The following PBX1 variants were observed in gnomAD, a reference collection of about 807,000 sequenced individuals.
PBX1 encodes pre-B-cell leukemia transcription factor 1.
Under a neutral mutation model 53.4 loss-of-function variants are expected in PBX1, and 6 were observed. That is an observed-to-expected ratio of 0.11 (90% CI 0.06 to 0.22). The LOEUF (loss-of-function observed/expected upper bound fraction) is 0.22, where lower values mean the gene tolerates loss of function less well. Among genes scored for constraint, PBX1 ranks in the 10% least tolerant of loss-of-function variants. The probability of loss-of-function intolerance (pLI) is 1.00; values close to 1 mark genes in which losing one functional copy is unlikely to be tolerated. For synonymous variants in PBX1, 204 were observed against 212.3 expected (o/e 0.96, Z 0.34); for missense variants, 251 against 551.4 (o/e 0.46, Z 5.46).
At chr1:164,791,798 A>C (rs1668522089) in intron 2 of PBX1, among the ~76,000 whole-genome samples, 1 of 152,156 alleles carries the variant, frequency 6.6e-6, no homozygotes, top group African/African-American at 2.4e-5. Context: ...TTATTGTGGT[A>C]AAATATATAT....
In PBX1 at chr1:164,847,214, TCC is replaced by T; in HGVS notation, c.*540_*541del. 9.3e-7 allele frequency: 1 copy of T among 1,074,004 alleles called. No homozygotes were observed. The highest frequency in any genetic ancestry group is 4.8e-5 in the East Asian group (1 of 20,696). The allele number at this position is 1,074,004 out of a possible 1,614,324, so 66.5% of individuals were successfully genotyped here. A position where few individuals can be genotyped will look rare whatever the true frequency, so the allele number is the denominator to read the frequency against. On this transcript the variant is annotated 3_prime_UTR_variant, in exon 9 of 9. Transcript: ENST00000420696. ...CACATTGCCCTATTCATTCCAGGCCTCCCTGCTTCCTCTTGCTCTTCCTCCCT... is the reference window on the plus strand; with the variant it reads ...CACATTGCCCTATTCATTCCAGGCCTCTGCTTCCTCTTGCTCTTCCTCCCT...
At chr1:164,777,331 G>C (rs990407516) in intron 2 of PBX1, among the ~76,000 whole-genome samples, 22 of 152,302 alleles carry the variant, frequency 1.4e-4, no homozygotes, top group Non-Finnish European at 2.9e-4. Flanking sequence ...GCTGAGGTGG[G>C]AGAATCGCTT....
chr1:164,592,743 C>G (rs537517649), intron 2 of PBX1, among the ~76,000 whole-genome samples: 1 of 152,280 alleles, frequency 6.6e-6, no homozygotes, highest in Admixed American at 6.5e-5. Flanking sequence ...GCTTTGAATT[C>G]TGTATCCCCA....
intron 8 of PBX1, among the ~76,000 whole-genome samples, chr1:164,840,312 T>G (rs542462513): frequency 2.6e-5 from 4 of 152,112 alleles, no homozygotes; most frequent in African/African-American, 9.6e-5. Flanking sequence ...GTTGCCAGAT[T>G]TAGCAAATGG....
At chr1:164,666,080 A>G (rs540305872) in intron 2 of PBX1, among the ~76,000 whole-genome samples, 49 of 152,208 alleles carry the variant, frequency 3.2e-4, no homozygotes, top group Non-Finnish European at 5.4e-4. Flanking sequence ...ATGCACGACA[A>G]GATGGAGTTG....
intron 2 of PBX1, among the ~76,000 whole-genome samples, chr1:164,739,587 A>C (rs913608407): frequency 6.6e-6 from 1 of 152,194 alleles, no homozygotes; most frequent in Non-Finnish European, 1.5e-5. Flanking sequence ...TTTCATTTCT[A>C]AAAGCAGATA....
chr1:164,664,372 G>A (rs1397807399), intron 2 of PBX1, among the ~76,000 whole-genome samples: 3 of 152,062 alleles, frequency 2.0e-5, no homozygotes, highest in Non-Finnish European at 4.4e-5. Context: ...GGTGTTGGCC[G>A]TACCAAAACT....
At chr1:164,787,466 G>A (rs1668261714) in intron 2 of PBX1, among the ~76,000 whole-genome samples, 1 of 152,164 alleles carries the variant, frequency 6.6e-6, no homozygotes, top group South Asian at 2.1e-4. Flanking sequence ...CCCGCCTGGA[G>A]AACCAGTCCT....
intron 2 of PBX1, among the ~76,000 whole-genome samples, chr1:164,678,340 A>C (rs1169607043): frequency 6.6e-6 from 1 of 152,182 alleles, no homozygotes; most frequent in Non-Finnish European, 1.5e-5. Flanking sequence ...TCTGTGTATC[A>C]CAGCCAGCAT....
chr1:164,812,909 C>G (rs1192897133), intron 6 of PBX1: 3 of 152,028 alleles, frequency 2.0e-5, no homozygotes, highest in African/African-American at 7.2e-5. Flanking sequence ...CTATGGAAGG[C>G]ATGTGGTAAT....
chr1:164,692,932 A>C (rs551853366), intron 2 of PBX1, among the ~76,000 whole-genome samples: 37 of 152,306 alleles, frequency 2.4e-4, no homozygotes, highest in Non-Finnish European at 1.2e-4. Flanking sequence ...TTGTAGAGGC[A>C]AGACTAGCCC....
chr1:164,788,748 G>T (rs934380339), intron 2 of PBX1, among the ~76,000 whole-genome samples: 1 of 70,070 alleles, frequency 1.4e-5, no homozygotes, highest in African/African-American at 5.9e-5. Context: ...TCTACCCGCC[G>T]CCCTCCCCCC....
intron 2 of PBX1, among the ~76,000 whole-genome samples, chr1:164,631,562 T>A (rs1385407748): frequency 6.6e-6 from 1 of 152,248 alleles, no homozygotes; most frequent in African/African-American, 2.4e-5. Context: ...TTTTAGTTAT[T>A]GGAGAAGCTC....
At chr1:164,819,888 A>G (rs894930072) in intron 6 of PBX1, 184 bp from the exon 7 acceptor site, 7 of 561,958 alleles carry the variant, frequency 1.2e-5, no homozygotes, top group African/African-American at 1.1e-4. Flanking sequence ...AACATAAACA[A>G]TATGCACCCT....
rs1667696562 is a variant in PBX1 at position 164,776,973 on chromosome 1, GA to G, written c.266-15520del. 2.2e-4 allele frequency among the ~76,000 whole-genome samples: 25 copies of G among 111,608 alleles called. 3 individuals carry two copies. Among genetic ancestry groups the G allele is most frequent in the African/African-American group, 9.3e-4 (23 of 24,644 alleles). The allele number at this position is 111,608 out of a possible 152,430, so 73.2% of individuals were successfully genotyped here. On this transcript the variant is annotated intron_variant, in intron 2 of 8. Coordinates refer to ENST00000420696, the MANE Select transcript of PBX1 (RefSeq NM_002585.4). ...AGAGAGAGAGAGAGAGAGAGAGAGA[GA>G]GAGAGGAGGTGTGGGGGGGCGGGGG...
At chr1:164,658,936 T>A (rs1660328270) in intron 2 of PBX1, among the ~76,000 whole-genome samples, 1 of 152,192 alleles carries the variant, frequency 6.6e-6, no homozygotes, top group Admixed American at 6.5e-5. Flanking sequence ...AGTTATTAAA[T>A]GACAGAGCCA....
At chr1:164,701,884 A>G (rs1257110195) in intron 2 of PBX1, among the ~76,000 whole-genome samples, 1 of 152,252 alleles carries the variant, frequency 6.6e-6, no homozygotes, top group Non-Finnish European at 1.5e-5. Context: ...GTACTGTGAC[A>G]TATGACTGAG....
intron 8 of PBX1, among the ~76,000 whole-genome samples, chr1:164,831,744 T>C (rs1286696292): frequency 6.6e-6 from 1 of 152,166 alleles, no homozygotes; most frequent in Admixed American, 6.5e-5. Context: ...TTGTATAGTT[T>C]ACAAAACAAA....
intron 2 of PBX1, among the ~76,000 whole-genome samples, chr1:164,744,552 G>T (rs921694592): frequency 3.9e-5 from 6 of 152,166 alleles, no homozygotes; most frequent in Non-Finnish European, 8.8e-5. Context: ...TTAAGACAGA[G>T]GTAGGGTCTC....
Sources: gnomAD v4.1 joint callset for allele counts (sites outside exome capture counted in the v4.1 genomes callset) on GRCh38, gnomAD v4.1.1 for gene constraint, MANE v1.5 for transcripts, NCBI Gene and HGNC (gene_info 2026-07-23, HGNC 2026-07-21) for gene names.